Variants in MACROD2 observed in about 807,000 individuals in gnomAD.
MACROD2 encodes ADP-ribose glycohydrolase MACROD2.
Under a neutral mutation model 70.4 loss-of-function variants are expected in MACROD2, and 36 were observed. The observed-to-expected ratio is 0.51, with a 90% CI of 0.39 to 0.68. MACROD2 has a LOEUF of 0.68. Ranked by LOEUF, MACROD2 falls within the 30% of genes least tolerant of loss-of-function variation. MACROD2 has a pLI of 0.00. For missense variants in MACROD2, 496 were observed against 538.4 expected (o/e 0.92, Z 0.78); for synonymous variants, 172 against 178.8 (o/e 0.96, Z 0.30).
intron 5 of MACROD2, among the ~76,000 whole-genome samples, chr20:14,801,797 A>C (rs2072579256): frequency 6.6e-6 from 1 of 152,102 alleles, no homozygotes; most frequent in Non-Finnish European, 1.5e-5. Context: ...GAAAAAGGAA[A>C]GTGAAAGGCA....
At chr20:15,591,787 G>A (rs2048684409) in intron 8 of MACROD2, among the ~76,000 whole-genome samples, 1 of 152,016 alleles carries the variant, frequency 6.6e-6, no homozygotes, top group East Asian at 1.9e-4. Context: ...AAATTAAACT[G>A]AGCTTCCATT....
intron 5 of MACROD2, among the ~76,000 whole-genome samples, chr20:15,166,735 G>A (rs79823884): frequency 0.011 from 1,594 of 151,462 alleles, 34 homozygotes; most frequent in African/African-American, 0.036. Context: ...ATTTACTGTT[G>A]AAACATTACA....
intron 5 of MACROD2, among the ~76,000 whole-genome samples, chr20:15,063,249 A>G (rs1365500874): frequency 6.6e-6 from 1 of 151,726 alleles, no homozygotes; most frequent in African/African-American, 2.4e-5. Context: ...TTGCAATGTC[A>G]TCATATATGA....
In MACROD2 at chr20:14,184,502, C is replaced by A. The variant is rs201082342; in HGVS notation, c.271+98774C>A. 2.2e-4 allele frequency among the ~76,000 whole-genome samples: 33 copies of A among 149,468 alleles called. No individual in the cohort carries two copies. The East Asian group carries it at 5.7e-3, about 26-fold the overall frequency. On this transcript the variant is annotated intron_variant, in intron 3 of 17. Transcript: ENST00000684519. ...TTCTTTTTGCTTAGGATTGCGTAGG[C>A]TATTTGGTTTTTTTTTTTGGTTCCA...
At chr20:15,811,176 A>C (rs540800009) in intron 8 of MACROD2, among the ~76,000 whole-genome samples, 238 of 152,214 alleles carry the variant, frequency 1.6e-3, no homozygotes, top group Non-Finnish European at 2.6e-3. Context: ...GAAAATTTTC[A>C]CAACCTACTC....
intron 6 of MACROD2, among the ~76,000 whole-genome samples, chr20:15,342,614 G>A (rs546642614): frequency 5.3e-5 from 8 of 152,156 alleles, no homozygotes; most frequent in African/African-American, 1.7e-4. Flanking sequence ...GTCAGGGAAG[G>A]TCTTTTATTA....
rs559755840 is a variant in MACROD2, at chr20:15,547,345, C to T, written c.645+47498C>T. 3.3e-5 allele frequency among the ~76,000 whole-genome samples: 5 copies of T among 152,256 alleles called. No homozygotes were observed. In the South Asian group the frequency reaches 8.3e-4, roughly 25 times the overall value. On this transcript the variant is annotated intron_variant, in intron 8 of 17. Transcript: ENST00000684519. ...AAACAAATGCTACCCCAGCTTTTGG[C>T]GCACTCCAAATGTAGCGGTACTAGC...
chr20:15,494,472 A>T (rs1394371863), intron 7 of MACROD2, among the ~76,000 whole-genome samples: 1 of 152,250 alleles, frequency 6.6e-6, no homozygotes, highest in Non-Finnish European at 1.5e-5. Context: ...GAATATCCAT[A>T]CAATGGAATG....
chr20:15,078,554 GAT>G (rs2075677740), intron 5 of MACROD2, among the ~76,000 whole-genome samples: 1 of 151,964 alleles, frequency 6.6e-6, no homozygotes, highest in African/African-American at 2.4e-5. Context: ...ATTTGAGAGA[GAT>G]ATAAAAAAAA....
At chr20:15,777,420 G>A (rs552819433) in intron 8 of MACROD2, among the ~76,000 whole-genome samples, 1 of 147,834 alleles carries the variant, frequency 6.8e-6, no homozygotes, top group African/African-American at 2.5e-5. Context: ...TCTGCATGAA[G>A]AGACCACTGA....
At chr20:14,182,537 A>G (rs1233737005) in intron 3 of MACROD2, among the ~76,000 whole-genome samples, 18 of 152,136 alleles carry the variant, frequency 1.2e-4, no homozygotes, top group Admixed American at 1.2e-3. Context: ...GTTGTATATA[A>G]GAAACTATTG....
At chr20:14,829,244 C>T (rs1010585389) in intron 5 of MACROD2, among the ~76,000 whole-genome samples, 12 of 151,320 alleles carry the variant, frequency 7.9e-5, no homozygotes, top group African/African-American at 2.9e-4. Flanking sequence ...ATTCTCCTGC[C>T]TCAGCCTCCC....
intron 9 of MACROD2, among the ~76,000 whole-genome samples, chr20:15,875,249 G>T (rs536373660): frequency 1.3e-5 from 2 of 152,068 alleles, no homozygotes; most frequent in Non-Finnish European, 2.9e-5. Flanking sequence ...AAACTAATAC[G>T]CCAGTCATCT....
At chr20:14,480,258 GA>G (rs2084647966) in intron 3 of MACROD2, among the ~76,000 whole-genome samples, 1 of 152,132 alleles carries the variant, frequency 6.6e-6, no homozygotes, top group Admixed American at 6.5e-5. Flanking sequence ...GTGACTACCT[GA>G]AAAATGGTTG....
chr20:14,909,729 TCTAC>T (rs1171442999), intron 5 of MACROD2, among the ~76,000 whole-genome samples: 3 of 152,072 alleles, frequency 2.0e-5, no homozygotes, highest in African/African-American at 7.2e-5. Context: ...TGCCACTGCT[TCTAC>T]CTATCTGAAA....
chr20:15,987,642 T>C (rs2066504976), intron 15 of MACROD2, among the ~76,000 whole-genome samples: 1 of 152,146 alleles, frequency 6.6e-6, no homozygotes, highest in Non-Finnish European at 1.5e-5. Flanking sequence ...TGCAATCATA[T>C]TGAATACTGT....
chr20:14,588,823 AT>A (rs1469622942), intron 4 of MACROD2, among the ~76,000 whole-genome samples: 5 of 152,224 alleles, frequency 3.3e-5, no homozygotes, highest in Non-Finnish European at 7.3e-5. Context: ...GTAGCATTTT[AT>A]AAAAATATTC....
chr20:15,320,855 C>T (rs900447601), intron 6 of MACROD2, among the ~76,000 whole-genome samples: 1 of 152,162 alleles, frequency 6.6e-6, no homozygotes, highest in Non-Finnish European at 1.5e-5. Flanking sequence ...CACTTCTTTT[C>T]AAACTCCACT....
At chr20:15,822,550 G>A (rs983845271) in intron 8 of MACROD2, among the ~76,000 whole-genome samples, 1 of 152,066 alleles carries the variant, frequency 6.6e-6, no homozygotes, top group African/African-American at 2.4e-5. Context: ...GGATAGAACT[G>A]GTTACAAGTA....
Sources: gnomAD v4.1 joint callset for allele counts (sites outside exome capture counted in the v4.1 genomes callset) on GRCh38, gnomAD v4.1.1 for gene constraint, MANE v1.5 for transcripts, NCBI Gene and HGNC (gene_info 2026-07-23, HGNC 2026-07-21) for gene names.